MED25: variants seen among roughly 807,000 people sequenced by gnomAD.
MED25 encodes mediator complex subunit 25, also known as mediator of RNA polymerase II transcription subunit 25.
MED25 carries 62 observed loss-of-function variants against 89.4 expected under a neutral mutation model. That is an observed-to-expected ratio of 0.69 (90% confidence interval 0.57 to 0.86). The LOEUF (loss-of-function observed/expected upper bound fraction) is 0.86. Among genes scored for constraint, MED25 ranks in the 40% least tolerant of loss-of-function variants. The pLI, the probability that MED25 is intolerant of heterozygous loss-of-function variation, is 0.00. For missense variants in MED25, 905 were observed against 1,005.2 expected (o/e 0.90, Z 1.35); for synonymous variants, 449 against 427.9 (o/e 1.05, Z -0.61).
In MED25 at chr19:49,829,916, A is replaced by G; in HGVS notation, c.656A>G (p.His219Arg). 1 of 1,613,360 alleles carries G rather than the reference A, an allele frequency of 6.2e-7. No individual in the cohort carries two copies. Among genetic ancestry groups the G allele is most frequent in the Non-Finnish European group, 8.5e-7 (1 of 1,179,892 alleles). ...ACAGATGTGAGCCAGGACCCGAGGCACATGGTGCTGGTTCGGGGACTCGTG... is the reference window on the plus strand; with the variant it reads ...ACAGATGTGAGCCAGGACCCGAGGCGCATGGTGCTGGTTCGGGGACTCGTG... The part of the protein sequence containing the change: ...PPTDVSQDPR[H>R]MVLVRGLVLP... Residue 219 changes from histidine to arginine, a missense_variant, in exon 6 of 18, where the codon CAC becomes CGC. By Grantham distance (29) the His-to-Arg change is conservative. This residue lies in a region of MED25 where 501 missense variants were observed against 526.9 expected (regional missense o/e 0.95). Transcript: ENST00000312865. The surrounding 1 kb of genome is among the most constrained non-coding windows in gnomAD (Gnocchi z 4.6).
At chr19:49,837,935 A>G (rs2074110801), downstream of MED25, among the ~76,000 whole-genome samples, 3 of 152,042 alleles carry the variant, frequency 2.0e-5, no homozygotes, top group South Asian at 6.2e-4. Flanking sequence ...CCAGCAGGGA[A>G]CAGGTTTGGG....
chr19:49,829,748 A>G lies in MED25; in HGVS notation c.526-38A>G. The stretch of plus-strand genomic sequence containing the variant: ...GGGGCCGGCCCCAACACCCTTATGG[A>G]GGGGGCCCGTCATGACTGCTCGGCC... On this transcript the variant is annotated intron_variant, in intron 5 of 17. Coordinates refer to ENST00000312865, the MANE Select transcript of MED25 (RefSeq NM_030973.4). This position sits in a 1 kb window ranked among gnomAD's most constrained non-coding sequence, Gnocchi z 4.6. 1 of 1,558,016 alleles carries G rather than the reference A, an allele frequency of 6.4e-7. No homozygotes were observed. Among genetic ancestry groups the G allele is most frequent in the Non-Finnish European group, 8.7e-7 (1 of 1,150,474 alleles).
At position 49,836,231 on chromosome 19, in the gene MED25, G is replaced by A. The variant is rs746754098; in HGVS notation, c.1971G>A (p.Gln657=). 4.8e-5 allele frequency: 78 copies of A among 1,612,168 alleles called. No homozygotes were observed. The highest frequency in any genetic ancestry group is 6.3e-5 in the Non-Finnish European group (74 of 1,179,860). The change falls in exon 17 of 18, where the codon CAG becomes CAA. Residue 657 remains glutamine (Q), a synonymous_variant. Coordinates refer to ENST00000312865, the MANE Select transcript of MED25 (RefSeq NM_030973.4). The surrounding 1 kb of genome is among the most constrained non-coding windows in gnomAD (Gnocchi z 5.1). ...RSLLLNPPPP[Q]TGVPPPQASL... The stretch of plus-strand genomic sequence containing the variant: ...CACTCTCTGTGTTCTCCCAGCCGCA[G>A]ACTGGGGTGCCCCCACCCCAGGCCT...
At chr19:49,820,192 A>G (rs2073972454) in intron 3 of MED25, among the ~76,000 whole-genome samples, 2 of 152,052 alleles carry the variant, frequency 1.3e-5, no homozygotes, top group African/African-American at 4.8e-5. Context: ...CATTGAGTGC[A>G]CTCAGGCCCA....
chr19:49,830,517 G>A lies in MED25; in HGVS notation c.826G>A (p.Gly276Arg), dbSNP rs1207156309. ...TCTTCCCTTCTACCCACAGGTTCCC[G>A]GGAACCTGAGTGCAGCTCAGGTGGC... Reference protein sequence around the residue: ...PPVPPQYQVPGNLSAAQVAAQ... With the variant: ...PPVPPQYQVPRNLSAAQVAAQ... Residue 276 changes from glycine to arginine, a missense_variant, in exon 8 of 18, where the codon GGG (glycine) becomes AGG (arginine). Gly to Arg is a moderately radical substitution (Grantham distance 125). Around this residue, in one of 3 missense-constraint regions of MED25, gnomAD observed 501 missense variants for 526.9 expected, o/e 0.95. Transcript: ENST00000312865. The surrounding 1 kb of genome is among the most constrained non-coding windows in gnomAD (Gnocchi z 4.6). The A allele has an allele frequency of 1.1e-5, 18 of 1,613,904 alleles. No individual in the cohort carries two copies. Among genetic ancestry groups the A allele is most frequent in the East Asian group, 4.5e-5 (2 of 44,884 alleles).
downstream of MED25, chr19:49,838,468 C>T: frequency 2.4e-6 from 1 of 416,194 alleles, no homozygotes; most frequent in South Asian, 1.8e-5. Flanking sequence ...CTCTTGGCTT[C>T]CCTGTGAGGC....
In MED25 at chr19:49,831,339, A is replaced by C; in HGVS notation, c.1108A>C (p.Thr370Pro). Reference protein sequence around the residue: ...AQPGAPSMAGTVAPGGVSGPS... With the variant: ...AQPGAPSMAGPVAPGGVSGPS... ...CCTTCCTCCCCTCTGGCAGGCAGGCACTGTGGCCCCAGGAGGGGTGAGCGG... is the reference window on the plus strand; with the variant it reads ...CCTTCCTCCCCTCTGGCAGGCAGGCCCTGTGGCCCCAGGAGGGGTGAGCGG... The change falls in exon 10 of 18, where the codon ACT (threonine) becomes CCT (proline). Residue 370 changes from threonine (T) to proline (P), a missense_variant. Thr to Pro is a conservative substitution (Grantham distance 38). Around this residue, in one of 3 missense-constraint regions of MED25, gnomAD observed 501 missense variants for 526.9 expected, o/e 0.95. Transcript: ENST00000312865. The surrounding 1 kb of genome is among the most constrained non-coding windows in gnomAD (Gnocchi z 5.0). 1 of 1,610,804 alleles carries C rather than the reference A, an allele frequency of 6.2e-7. No individual in the cohort carries two copies. Among genetic ancestry groups the C allele is most frequent in the Non-Finnish European group, 8.5e-7 (1 of 1,178,910 alleles).
chr19:49,831,347 C>T lies in MED25; in HGVS notation c.1116C>T (p.Ala372=), dbSNP rs1439410614. Residue 372 remains alanine, a synonymous_variant, in exon 10 of 18, where the codon GCC becomes GCT. Coordinates refer to ENST00000312865, the MANE Select transcript of MED25 (RefSeq NM_030973.4). The surrounding 1 kb of genome is among the most constrained non-coding windows in gnomAD (Gnocchi z 5.0). ...CCCTCTGGCAGGCAGGCACTGTGGCCCCAGGAGGGGTGAGCGGCCCTTCCC... is the reference window on the plus strand; with the variant it reads ...CCCTCTGGCAGGCAGGCACTGTGGCTCCAGGAGGGGTGAGCGGCCCTTCCC... ...PGAPSMAGTV[A]PGGVSGPSPA... is the part of the protein sequence containing the mutation. 1 of 1,611,118 alleles carries T rather than the reference C, an allele frequency of 6.2e-7. No homozygotes were observed.
chr19:49,838,539 G>A, downstream of MED25: 3 of 456,988 alleles, frequency 6.6e-6, no homozygotes, highest in South Asian at 1.5e-5. Context: ...AGCATTCAGA[G>A]GAAAGTGAAA....
rs2074101370 is a variant in MED25 at position 49,836,726 on chromosome 19, T to TG, written c.2147-117dup. 2.5e-6 allele frequency: 2 copies of TG among 785,752 alleles called. No individual in the cohort carries two copies. The highest frequency in any genetic ancestry group is 2.0e-5 in the Admixed American group (1 of 50,144). The allele number at this position is 785,752 out of a possible 1,614,324, so 48.7% of individuals were successfully genotyped here. On this transcript the variant is annotated intron_variant, in intron 17 of 17. Transcript: ENST00000312865. The surrounding 1 kb of genome is among the most constrained non-coding windows in gnomAD (Gnocchi z 5.1). ...GGGAAACAGCATATTTGTAACTAGA[T>TG]GGGGCCAGAAGGTGCTTCTGTTGGG... is the stretch of plus-strand genomic sequence containing the variant.
intron 3 of MED25, among the ~76,000 whole-genome samples, chr19:49,822,041 A>G (rs1198984370): frequency 6.6e-6 from 1 of 151,366 alleles, no homozygotes; most frequent in Non-Finnish European, 1.5e-5. Context: ...AGGCGGGTGG[A>G]TGATGAGGTC....
At chr19:49,837,500 C>T (rs1464398213), downstream of MED25, among the ~76,000 whole-genome samples, 2 of 152,130 alleles carry the variant, frequency 1.3e-5, no homozygotes, top group African/African-American at 2.4e-5. Flanking sequence ...CACAGGAGAA[C>T]CAGGAGGCTT....
rs757486871 is a variant in MED25, at chr19:49,830,849, G to A, written c.1063G>A (p.Gly355Ser). ...SLVSTVAPGS[G>S]LAPTAQPGAP... ...GGTCTCCACTGTGGCCCCTGGCTCC[G>A]GCCTGGCTCCCACGGCACAGCCCGG... Residue 355 changes from glycine (G) to serine (S), a missense_variant, in exon 9 of 18, where the codon GGC (glycine) becomes AGC (serine). Around this residue, in one of 3 missense-constraint regions of MED25, gnomAD observed 501 missense variants for 526.9 expected, o/e 0.95. Transcript: ENST00000312865. This position sits in a 1 kb window ranked among gnomAD's most constrained non-coding sequence, Gnocchi z 4.6. 2.4e-5 allele frequency: 38 copies of A among 1,612,222 alleles called. No homozygotes were observed. Among genetic ancestry groups the A allele is most frequent in the East Asian group, 2.2e-5 (1 of 44,868 alleles).
At chr19:49,838,272 G>C (rs575295983), downstream of MED25, among the ~76,000 whole-genome samples, 1 of 152,286 alleles carries the variant, frequency 6.6e-6, no homozygotes, top group South Asian at 2.1e-4. Context: ...TTACGAGTTA[G>C]TTGTAAAAAT....
At chr19:49,826,238 G>C (rs967614030) in intron 3 of MED25, among the ~76,000 whole-genome samples, 1 of 152,234 alleles carries the variant, frequency 6.6e-6, no homozygotes, top group African/African-American at 2.4e-5. Context: ...CTACGAGGGA[G>C]GCTGAGGCAG....
intron 3 of MED25, among the ~76,000 whole-genome samples, chr19:49,821,510 T>C (rs149884192): frequency 0.01 from 1,561 of 152,298 alleles, 25 homozygotes; most frequent in African/African-American, 0.036. Context: ...CTCACGCCTG[T>C]AATCCCAGCA....
Position 49,834,964 on chromosome 19 carries a change from T to G in MED25, c.1483-22T>G, listed in dbSNP as rs1267957891. On this transcript the variant is annotated intron_variant, in intron 13 of 17. Coordinates refer to ENST00000312865, the MANE Select transcript of MED25 (RefSeq NM_030973.4). This position sits in a 1 kb window ranked among gnomAD's most constrained non-coding sequence, Gnocchi z 4.1. Reference sequence around the variant, plus strand: ...GCCTCTTTCAGGGCCTGAATGGTTCTGAAGAGCTGTTGTCCACCCAGGCGG... The same window carrying G: ...GCCTCTTTCAGGGCCTGAATGGTTCGGAAGAGCTGTTGTCCACCCAGGCGG... 1 of 1,613,396 alleles carries G rather than the reference T, an allele frequency of 6.2e-7. No individual in the cohort carries two copies. The highest frequency in any genetic ancestry group is 8.5e-7 in the Non-Finnish European group (1 of 1,179,814).
At chr19:49,837,861 C>CA (rs2074110340), downstream of MED25, among the ~76,000 whole-genome samples, 1 of 152,152 alleles carries the variant, frequency 6.6e-6, no homozygotes, top group African/African-American at 2.4e-5. Context: ...GGGTCCATGT[C>CA]AGAGACTGAC....
At position 49,826,546 on chromosome 19, in the gene MED25, C is replaced by G. The variant is rs949762536; in HGVS notation, c.306-1903C>G. On this transcript the variant is annotated intron_variant, in intron 3 of 17. Transcript: ENST00000312865. ...CCCGCTGCATGGCCCTGCCAGGCCA[C>G]CAGTGCACTGAGTACTCAGCAGATG... 2.0e-5 allele frequency among the ~76,000 whole-genome samples: 3 copies of G among 152,128 alleles called. No individual in the cohort carries two copies. The East Asian group carries it at 5.8e-4, about 29-fold the overall frequency.
Sources: gnomAD v4.1 joint callset for allele counts (sites outside exome capture counted in the v4.1 genomes callset) on GRCh38, gnomAD v4.1.1 for gene constraint, gnomAD v4.1.1 regional missense constraint, Gnocchi (gnomAD v3.1) non-coding constraint, MANE v1.5 for transcripts, NCBI Gene and HGNC (gene_info 2026-07-23, HGNC 2026-07-21) for gene names.